ROR2: variants seen among roughly 807,000 people sequenced by gnomAD.
ROR2 encodes ROR family WNT receptor 2, also known as tyrosine-protein kinase transmembrane receptor ROR2.
ROR2 carries 33 observed loss-of-function variants against 74.9 expected under a neutral mutation model. That is an observed-to-expected ratio of 0.44 (90% CI 0.33 to 0.59). ROR2 has a LOEUF of 0.59. Among genes scored for constraint, ROR2 ranks in the 20% least tolerant of loss-of-function variants. The pLI is 0.02. For synonymous variants in ROR2, 586 were observed against 558.7 expected, an observed-to-expected ratio of 1.05 and a Z score of -0.69; for missense variants, 1,216 against 1,313.8, an observed-to-expected ratio of 0.93 and a Z score of 1.15.
At chr9:91,747,702 A>ATATT (rs1405984772) in intron 4 of ROR2, among the ~76,000 whole-genome samples, 3 of 55,398 alleles carry the variant, frequency 5.4e-5, no homozygotes, top group African/African-American at 2.9e-4. Flanking sequence ...ATTCTCTCCT[A>ATATT]TCTTTGGTTA....
chr9:91,944,368 T>C (rs1399796138), intron 1 of ROR2, among the ~76,000 whole-genome samples: 1 of 152,224 alleles, frequency 6.6e-6, no homozygotes, highest in East Asian at 1.9e-4. Context: ...AGTTCCAGGC[T>C]GAGCAATTAG....
At chr9:91,877,505 AAAG>A (rs1293649666) in intron 1 of ROR2, among the ~76,000 whole-genome samples, 23 of 152,358 alleles carry the variant, frequency 1.5e-4, no homozygotes, top group South Asian at 1.0e-3. Flanking sequence ...GTGTTCAGGA[AAAG>A]AAGATAGATA....
At chr9:91,833,463 CTT>C (rs1828526947) in intron 1 of ROR2, among the ~76,000 whole-genome samples, 1 of 152,302 alleles carries the variant, frequency 6.6e-6, no homozygotes, top group Middle Eastern at 3.4e-3. Flanking sequence ...AGTCAAATCT[CTT>C]GAGGTCACCC....
intron 1 of ROR2, among the ~76,000 whole-genome samples, chr9:91,848,084 C>G (rs1269412828): frequency 6.6e-6 from 1 of 152,196 alleles, no homozygotes; most frequent in African/African-American, 2.4e-5. Context: ...TCTTCTCTCA[C>G]CATGGAAATG....
intron 3 of ROR2, among the ~76,000 whole-genome samples, chr9:91,757,021 C>T (rs1043983349): frequency 1.3e-5 from 2 of 152,108 alleles, no homozygotes; most frequent in Non-Finnish European, 2.9e-5. Flanking sequence ...CCGCCCACCT[C>T]GGCCTCCCAA....
At chr9:91,757,600 G>A (rs1321461308) in intron 2 of ROR2, 41 bp from the exon 3 acceptor site, 8 of 1,600,000 alleles carry the variant, frequency 5.0e-6, no homozygotes, top group South Asian at 1.1e-5. Context: ...GCGTCAGTGA[G>A]GGCTGGAAGG....
At chr9:91,874,312 G>A (rs1441431378) in intron 1 of ROR2, among the ~76,000 whole-genome samples, 4 of 152,196 alleles carry the variant, frequency 2.6e-5, no homozygotes, top group East Asian at 3.8e-4. Context: ...TTTCTGCCTC[G>A]TGAAAGTGGC....
intron 7 of ROR2, among the ~76,000 whole-genome samples, chr9:91,727,849 T>C (rs9409649): frequency 0.48 from 72,816 of 151,962 alleles, 18,541 homozygotes; most frequent in Admixed American, 0.57. Context: ...TACTGCCACC[T>C]TAGGAAAAAA....
Position 91,724,760 on chromosome 9 carries a change from A to G in ROR2, c.1734T>C (p.Asp578=), listed in dbSNP as rs770772928. The change falls in exon 9 of 9, where the codon GAT becomes GAC. Residue 578 remains aspartate (D), a synonymous_variant. Coordinates refer to ENST00000375708, the MANE Select transcript of ROR2 (RefSeq NM_004560.4). ...RSPHSDVGST[D]DDRTVKSALE... is the part of the protein sequence containing the mutation. ...GGGCGGACTTCACCGTGCGGTCATC[A>G]TCGGTGCTGCCCACGTCCGAGTGCG... 3 of 1,613,944 alleles carry G rather than the reference A, an allele frequency of 1.9e-6. No individual in the cohort carries two copies. Among genetic ancestry groups the G allele is most frequent in the South Asian group, 2.2e-5 (2 of 91,072 alleles).
intron 1 of ROR2, among the ~76,000 whole-genome samples, chr9:91,853,304 C>G (rs78044446): frequency 2.6e-5 from 4 of 152,092 alleles, no homozygotes; most frequent in African/African-American, 9.7e-5. Context: ...GAAAGGTGAC[C>G]GTGCTGTGAA....
intron 1 of ROR2, among the ~76,000 whole-genome samples, chr9:91,927,447 G>C (rs1831434188): frequency 6.6e-6 from 1 of 152,152 alleles, no homozygotes; most frequent in African/African-American, 2.4e-5. Flanking sequence ...GGGGGACCAG[G>C]GGAGAAAAAA....
chr9:91,758,022 T>C (rs1010124965), intron 2 of ROR2, among the ~76,000 whole-genome samples: 18 of 152,170 alleles, frequency 1.2e-4, no homozygotes, highest in African/African-American at 4.3e-4. Flanking sequence ...GTGCTGTGCC[T>C]GGGGGCCATC....
In ROR2 at chr9:91,724,742, C is replaced by G; in HGVS notation, c.1752G>C (p.Lys584Asn). 1.9e-6 allele frequency: 3 copies of G among 1,614,130 alleles called. No homozygotes were observed. The highest frequency in any genetic ancestry group is 2.5e-6 in the Non-Finnish European group (3 of 1,180,038). The change falls in exon 9 of 9, where the codon AAG (lysine) becomes AAC (asparagine). Residue 584 changes from lysine (K) to asparagine (N), a missense_variant. Coordinates refer to ENST00000375708, the MANE Select transcript of ROR2 (RefSeq NM_004560.4). ...VGSTDDDRTVKSALEPPDFVH... is the reference protein window; with the variant it reads ...VGSTDDDRTVNSALEPPDFVH... Reference sequence around the variant, plus strand: ...CGAAGTCGGGGGGCTCCAGGGCGGACTTCACCGTGCGGTCATCATCGGTGC... The same window carrying G: ...CGAAGTCGGGGGGCTCCAGGGCGGAGTTCACCGTGCGGTCATCATCGGTGC...
chr9:91,817,892 T>C (rs1221678311), intron 1 of ROR2, among the ~76,000 whole-genome samples: 2 of 152,072 alleles, frequency 1.3e-5, no homozygotes, highest in Admixed American at 1.3e-4. Context: ...TGGGCTGTTT[T>C]AGCGTCTCCA....
In ROR2 at chr9:91,821,100, C is replaced by CAA. The variant is rs34388374; in HGVS notation, c.98-45284_98-45283dup. ...TGGGCAACAGAATGAGACTTCGTCT[C>CAA]AAAAAAAAAAAAAAAGAAGGGGAAG... is the stretch of plus-strand genomic sequence containing the variant. On this transcript the variant is annotated intron_variant, in intron 1 of 8. Transcript: ENST00000375708. Among the ~76,000 whole-genome samples, 216 of 124,388 alleles carry CAA rather than the reference C, an allele frequency of 1.7e-3. 1 individual carries two copies. Among genetic ancestry groups the CAA allele is most frequent in the Middle Eastern group, 8.6e-3 (2 of 232 alleles). The allele number at this position is 124,388 out of a possible 152,430, so 81.6% of individuals were successfully genotyped here.
chr9:91,848,693 T>C (rs1829000509), intron 1 of ROR2, among the ~76,000 whole-genome samples: 1 of 148,280 alleles, frequency 6.7e-6, no homozygotes, highest in South Asian at 2.1e-4. Context: ...AGGCAGAGGT[T>C]GCAGTGAGCT....
At chr9:91,749,269 A>AGT (rs1825531054) in intron 4 of ROR2, among the ~76,000 whole-genome samples, 1 of 152,188 alleles carries the variant, frequency 6.6e-6, no homozygotes, top group Non-Finnish European at 1.5e-5. Flanking sequence ...AATATCATAG[A>AGT]CGGTGGCTTA....
intron 1 of ROR2, among the ~76,000 whole-genome samples, chr9:91,935,179 G>GC (rs1831649833): frequency 6.6e-6 from 1 of 152,084 alleles, no homozygotes; most frequent in Non-Finnish European, 1.5e-5. Context: ...TCTCCTCCTT[G>GC]CACCGCTCCA....
chr9:91,781,859 G>A (rs1012502019), intron 1 of ROR2, among the ~76,000 whole-genome samples: 3 of 152,142 alleles, frequency 2.0e-5, no homozygotes, highest in African/African-American at 4.8e-5. Context: ...TAAAGCAAAC[G>A]TATTAAACCT....
Sources: gnomAD v4.1 joint callset for allele counts (sites outside exome capture counted in the v4.1 genomes callset) on GRCh38, gnomAD v4.1.1 for gene constraint, MANE v1.5 for transcripts, NCBI Gene and HGNC (gene_info 2026-07-23, HGNC 2026-07-21) for gene names.